HMGA2: variants seen among roughly 807,000 people sequenced by gnomAD.
The protein encoded by HMGA2 is high mobility group AT-hook 2.
HMGA2 carries 8 observed loss-of-function variants against 19.1 expected under a neutral mutation model. The observed-to-expected ratio is 0.42, with a 90% CI of 0.25 to 0.76. The LOEUF (loss-of-function observed/expected upper bound fraction) is 0.76, where lower values mean the gene tolerates loss of function less well. HMGA2 is among the 30% of genes least tolerant of loss of function. The pLI is 0.28. For synonymous variants in HMGA2, 60 were observed against 48.8 expected (o/e 1.23, Z -0.96); for missense variants, 109 against 136.3 (o/e 0.80, Z 1.00).
chr12:65,949,684 A>G (rs187626921), intron 3 of HMGA2, among the ~76,000 whole-genome samples: 1 of 152,326 alleles, frequency 6.6e-6, no homozygotes, highest in African/African-American at 2.4e-5. Context: ...CGGATGTTTC[A>G]CTCAAAAGAG....
chr12:65,939,954 C>T (rs1344764251), intron 3 of HMGA2, among the ~76,000 whole-genome samples: 1 of 152,106 alleles, frequency 6.6e-6, no homozygotes, highest in Non-Finnish European at 1.5e-5. Context: ...TTATTCTTCT[C>T]CATATTTTGG....
At chr12:65,899,521 G>A (rs1874286266) in intron 3 of HMGA2, among the ~76,000 whole-genome samples, 1 of 152,192 alleles carries the variant, frequency 6.6e-6, no homozygotes, top group Non-Finnish European at 1.5e-5. Flanking sequence ...CTGGAGTAGA[G>A]GGGGATGAGG....
chr12:65,883,350 T>C (rs1463104961), intron 3 of HMGA2, among the ~76,000 whole-genome samples: 4 of 152,246 alleles, frequency 2.6e-5, no homozygotes, highest in Admixed American at 6.5e-5. Flanking sequence ...TGTGAATCAC[T>C]TGTTAAAGAT....
At chr12:65,961,131 G>GT (rs1876739122) in intron 4 of HMGA2, among the ~76,000 whole-genome samples, 1 of 151,970 alleles carries the variant, frequency 6.6e-6, no homozygotes, top group Non-Finnish European at 1.5e-5. Context: ...TTTTTTAACC[G>GT]TAAGAAGGAA....
At chr12:65,834,324 G>A (rs1231006678) in intron 2 of HMGA2, among the ~76,000 whole-genome samples, 1 of 152,212 alleles carries the variant, frequency 6.6e-6, no homozygotes, top group African/African-American at 2.4e-5. Context: ...ATACCCACAA[G>A]ACTTCTGGTT....
At chr12:65,881,488 T>C (rs969318372) in intron 3 of HMGA2, 1 of 548,800 alleles carries the variant, frequency 1.8e-6, no homozygotes, top group South Asian at 2.6e-5. Context: ...TGAAGCAATC[T>C]TGCTTAATAG....
intron 3 of HMGA2, among the ~76,000 whole-genome samples, chr12:65,908,141 G>A (rs943274547): frequency 6.6e-6 from 1 of 152,144 alleles, no homozygotes; most frequent in African/African-American, 2.4e-5. Flanking sequence ...TTTTGTTGAA[G>A]ATTAATTTAT....
chr12:65,945,181 G>A (rs1207718228), intron 3 of HMGA2, among the ~76,000 whole-genome samples: 1 of 151,460 alleles, frequency 6.6e-6, no homozygotes, highest in Non-Finnish European at 1.5e-5. Flanking sequence ...GCTTTCTGTT[G>A]TAGGGTTCCA....
At chr12:65,845,555 C>T (rs1379178707) in intron 3 of HMGA2, among the ~76,000 whole-genome samples, 1 of 148,776 alleles carries the variant, frequency 6.7e-6, no homozygotes, top group Non-Finnish European at 1.5e-5. Context: ...AGGCGTGAGT[C>T]ACCACTCACG....
intron 3 of HMGA2, among the ~76,000 whole-genome samples, chr12:65,897,125 T>C (rs1278670439): frequency 6.6e-6 from 1 of 152,210 alleles, no homozygotes; most frequent in Non-Finnish European, 1.5e-5. Context: ...GGTGTGCATA[T>C]TTGTGGTGTA....
intron 3 of HMGA2, among the ~76,000 whole-genome samples, chr12:65,915,922 T>A (rs983314537): frequency 1.3e-5 from 2 of 152,152 alleles, no homozygotes; most frequent in Non-Finnish European, 2.9e-5. Context: ...ATGACTTAAC[T>A]GAGCATCCAA....
At chr12:65,838,814 G>A (rs1870854544) in intron 3 of HMGA2, among the ~76,000 whole-genome samples, 1 of 152,012 alleles carries the variant, frequency 6.6e-6, no homozygotes, top group South Asian at 2.1e-4. Context: ...CATCAAAAGA[G>A]GCTCCACTCT....
chr12:65,953,570 A>G (rs1158554850), intron 4 of HMGA2: 1 of 152,234 alleles, frequency 6.6e-6, no homozygotes, highest in African/African-American at 2.4e-5. Context: ...AAGAAATAAT[A>G]TAAGTGAAAT....
chr12:65,841,331 A>T (rs987070204), intron 3 of HMGA2, among the ~76,000 whole-genome samples: 1 of 152,182 alleles, frequency 6.6e-6, no homozygotes, highest in Non-Finnish European at 1.5e-5. Context: ...ACTGGCTGTG[A>T]GAATGGAAAA....
At chr12:65,846,224 T>C (rs1326252361) in intron 3 of HMGA2, among the ~76,000 whole-genome samples, 1 of 152,242 alleles carries the variant, frequency 6.6e-6, no homozygotes, top group Non-Finnish European at 1.5e-5. Flanking sequence ...AAAAGTCTTT[T>C]TCAGGATGCC....
At chr12:65,934,919 G>A (rs1315048988) in intron 3 of HMGA2, 1 of 152,238 alleles carries the variant, frequency 6.6e-6, no homozygotes, top group Non-Finnish European at 1.5e-5. Context: ...GAGAAGGAAG[G>A]AGTGACTTCT....
chr12:65,952,343 C>T lies in HMGA2; in HGVS notation c.282+928C>T, dbSNP rs770611606. 43 of 1,530,374 alleles carry T rather than the reference C, an allele frequency of 2.8e-5. 1 individual carries two copies. In the South Asian group the frequency reaches 5.1e-4, roughly 18 times the overall value. 94.8% of individuals were successfully genotyped at this position (1,530,374 alleles called of 1,614,324 possible). ...AAGTCTTTACAAATCTACCTTGCAT[C>T]CTGTTTTCTTAGGTCAATGTTGCCT... On this transcript the variant is annotated intron_variant, in intron 4 of 4. Transcript: ENST00000403681.
intron 3 of HMGA2, among the ~76,000 whole-genome samples, chr12:65,928,102 G>A (rs1403611938): frequency 1.3e-5 from 2 of 151,920 alleles, no homozygotes; most frequent in African/African-American, 4.8e-5. Flanking sequence ...ATCAAAGAGT[G>A]TATTTACACA....
At chr12:65,864,127 A>G (rs1445102676) in intron 3 of HMGA2, among the ~76,000 whole-genome samples, 1 of 152,162 alleles carries the variant, frequency 6.6e-6, no homozygotes, top group East Asian at 1.9e-4. Context: ...CACTACAAAT[A>G]GGGATCCTTT....
Sources: allele counts gnomAD v4.1 joint callset (sites outside exome capture counted in the v4.1 genomes callset), GRCh38; gene constraint gnomAD v4.1.1; transcripts MANE v1.5; gene names NCBI Gene and HGNC (gene_info 2026-07-23, HGNC 2026-07-21).